Variants in DLG1 observed in about 807,000 individuals in gnomAD.
The protein encoded by DLG1 is disks large homolog 1.
Under a neutral mutation model 123.4 loss-of-function variants are expected in DLG1, and 42 were observed. That is an observed-to-expected ratio of 0.34 (90% CI 0.27 to 0.44). The LOEUF (loss-of-function observed/expected upper bound fraction) is 0.44, where lower values mean the gene tolerates loss of function less well. Ranked by LOEUF, DLG1 falls within the 20% of genes least tolerant of loss-of-function variation. The probability of loss-of-function intolerance (pLI) is 1.00; values close to 1 mark genes in which losing one functional copy is unlikely to be tolerated. For synonymous variants in DLG1, 317 were observed against 356.2 expected (o/e 0.89, Z 1.24); for missense variants, 942 against 1,082.6 (o/e 0.87, Z 1.82).
At chr3:197,170,373 T>C (rs6807229) in intron 5 of DLG1, among the ~76,000 whole-genome samples, 111,196 of 151,396 alleles carry the variant, frequency 0.73, 40,911 homozygotes, top group East Asian at 0.81. Context: ...TACACTCTCA[T>C]CAACAGTGTA....
rs1177815359 is a variant in DLG1, at chr3:197,298,610, G to A, written c.-106C>T. On this transcript the variant is annotated 5_prime_UTR_variant, in exon 1 of 25. Coordinates refer to ENST00000667157, the MANE Select transcript of DLG1 (RefSeq NM_001366207.1). ...AGAGACAGCGCCTGGCGACCCCGGGGGTAGATCCCCACCGGGGAAAAGCCG... is the reference window on the plus strand; with the variant it reads ...AGAGACAGCGCCTGGCGACCCCGGGAGTAGATCCCCACCGGGGAAAAGCCG... 5 of 398,384 alleles carry A rather than the reference G, an allele frequency of 1.3e-5. No individual in the cohort carries two copies. Among genetic ancestry groups the A allele is most frequent in the East Asian group, 3.6e-5 (1 of 28,064 alleles). The allele number at this position is 398,384 out of a possible 1,614,324, so 24.7% of individuals were successfully genotyped here.
At position 197,059,963 on chromosome 3, in the gene DLG1, G is replaced by C. The variant is rs776695727; in HGVS notation, c.2409C>G (p.Ala803=). ...GCTGTGCAATCTGTAATCTCTTTATGGCATTTCCAGACACATCAAGGATAC... is the reference window on the plus strand; with the variant it reads ...GCTGTGCAATCTGTAATCTCTTTATCGCATTTCCAGACACATCAAGGATAC... ...KHCILDVSGN[A]IKRLQIAQLY... is the part of the protein sequence containing the mutation. Residue 803 remains alanine (A), a synonymous_variant, in exon 23 of 25, where the codon GCC becomes GCG. Coordinates refer to ENST00000667157, the MANE Select transcript of DLG1 (RefSeq NM_001366207.1). The C allele has an allele frequency of 1.1e-5, 17 of 1,613,522 alleles. No homozygotes were observed. The highest frequency in any genetic ancestry group is 2.5e-6 in the Non-Finnish European group (3 of 1,179,850).
At chr3:197,061,604 T>C (rs1393736749) in intron 22 of DLG1, among the ~76,000 whole-genome samples, 1 of 152,124 alleles carries the variant, frequency 6.6e-6, no homozygotes, top group Non-Finnish European at 1.5e-5. Context: ...TTGTCTTTCT[T>C]GATGTTTTTG....
At chr3:197,287,802 A>G (rs781271925) in intron 3 of DLG1, among the ~76,000 whole-genome samples, 55 of 152,242 alleles carry the variant, frequency 3.6e-4, no homozygotes, top group Non-Finnish European at 7.3e-4. Flanking sequence ...TAAAAGATGG[A>G]TAACACTCTG....
chr3:197,124,831 G>C (rs761349341), intron 11 of DLG1, among the ~76,000 whole-genome samples: 1 of 152,046 alleles, frequency 6.6e-6, no homozygotes, highest in Non-Finnish European at 1.5e-5. Context: ...GTGTTAGAGA[G>C]GTATCTTAAG....
At chr3:197,297,480 C>G (rs1354770783) in intron 1 of DLG1, 4 of 1,320,282 alleles carry the variant, frequency 3.0e-6, no homozygotes, top group Non-Finnish European at 3.9e-6. Context: ...CGAAAGCGTC[C>G]CCTCCCCAAA....
At chr3:197,063,191 TAA>T (rs34170630) in intron 22 of DLG1, among the ~76,000 whole-genome samples, 1 of 144,496 alleles carries the variant, frequency 6.9e-6, no homozygotes. Flanking sequence ...ACTTAAAGTA[TAA>T]AAAAAAAAAA....
intron 18 of DLG1, chr3:197,070,659 C>T (rs1258194441): frequency 6.7e-6 from 1 of 148,764 alleles, no homozygotes; most frequent in Non-Finnish European, 1.5e-5. Context: ...CCTCTGCCTC[C>T]TAGGTTTAAG....
chr3:197,230,056 AAG>A (rs1742093470), intron 4 of DLG1, among the ~76,000 whole-genome samples: 1 of 152,216 alleles, frequency 6.6e-6, no homozygotes, highest in Non-Finnish European at 1.5e-5. Flanking sequence ...GTCAAGTCCA[AAG>A]TCCTTACTAT....
In DLG1 at chr3:197,176,024, A is replaced by G. The variant is rs375053322; in HGVS notation, c.483+18401T>C. Reference sequence around the variant, plus strand: ...CTGTGAAACTTCTTTTTGCCTATCTATCCTTGACAGAAACGCCATCTAAAC... The same window carrying G: ...CTGTGAAACTTCTTTTTGCCTATCTGTCCTTGACAGAAACGCCATCTAAAC... On this transcript the variant is annotated intron_variant, in intron 5 of 24. Transcript: ENST00000667157. Among the ~76,000 whole-genome samples, 20 of 152,216 alleles carry G rather than the reference A, an allele frequency of 1.3e-4. No individual in the cohort carries two copies. The East Asian group carries it at 2.3e-3, about 18-fold the overall frequency.
rs574781242 is a variant in DLG1 at position 197,066,767 on chromosome 3, G to T, written c.2048-13C>A. 1 of 1,569,572 alleles carries T rather than the reference G, an allele frequency of 6.4e-7. No homozygotes were observed. Among genetic ancestry groups the T allele is most frequent in the East Asian group, 2.3e-5 (1 of 44,242 alleles). ...TCTTCTTGACCACCTATTAGAAAGT[G>T]AAGGCACAGATGAAAAATGTGTAAA... is the stretch of plus-strand genomic sequence containing the variant. On this transcript the variant is annotated splice_polypyrimidine_tract_variant and intron_variant, in intron 19 of 24. Transcript: ENST00000667157.
At chr3:197,240,714 C>CAAAAG (rs1021448905) in intron 4 of DLG1, among the ~76,000 whole-genome samples, 2 of 151,140 alleles carry the variant, frequency 1.3e-5, no homozygotes, top group Non-Finnish European at 3.0e-5. Flanking sequence ...GTCATAACAC[C>CAAAAG]AAAAGAAAAG....
intron 4 of DLG1, among the ~76,000 whole-genome samples, chr3:197,257,621 G>A (rs996060714): frequency 2.3e-4 from 35 of 152,140 alleles, no homozygotes; most frequent in African/African-American, 8.0e-4. Flanking sequence ...TCTCCAGCTT[G>A]CCTTAATGAA....
At chr3:197,087,844 A>T (rs899974938) in intron 15 of DLG1, among the ~76,000 whole-genome samples, 2 of 152,200 alleles carry the variant, frequency 1.3e-5, no homozygotes, top group Non-Finnish European at 2.9e-5. Flanking sequence ...CACTGTATGT[A>T]GCACTTAGAC....
chr3:197,060,294 C>T (rs1348341636), intron 22 of DLG1, among the ~76,000 whole-genome samples: 4 of 152,160 alleles, frequency 2.6e-5, no homozygotes, highest in East Asian at 1.9e-4. Context: ...GCTCCCCCGC[C>T]GTTCCCTTTT....
chr3:197,260,777 A>AAAAAAAAAAACAAAAAAAC, intron 4 of DLG1, among the ~76,000 whole-genome samples: 1 of 150,476 alleles, frequency 6.6e-6, no homozygotes, highest in Non-Finnish European at 1.5e-5. Context: ...AAAAAAAAAA[A>AAAAAAAAAAACAAAAAAAC]AAAAAAATCA....
At chr3:197,078,298 T>TA (rs1560507264) in intron 17 of DLG1, among the ~76,000 whole-genome samples, 1 of 150,228 alleles carries the variant, frequency 6.7e-6, no homozygotes, top group East Asian at 2.0e-4. Context: ...ACCTGGGTGA[T>TA]AGAGTGAGAC....
chr3:197,050,887 T>C (rs1262093657), intron 24 of DLG1, among the ~76,000 whole-genome samples: 1 of 152,254 alleles, frequency 6.6e-6, no homozygotes, highest in Non-Finnish European at 1.5e-5. Context: ...AATCACATTA[T>C]ATGCCTTGAA....
At chr3:197,183,677 C>G in intron 5 of DLG1, 2 of 1,550,564 alleles carry the variant, frequency 1.3e-6, no homozygotes, top group South Asian at 2.4e-5. Flanking sequence ...GCTCAGCTTG[C>G]AGTTCATCTG....
Sources: gnomAD v4.1 joint callset for allele counts (sites outside exome capture counted in the v4.1 genomes callset) on GRCh38, gnomAD v4.1.1 for gene constraint, MANE v1.5 for transcripts, NCBI Gene and HGNC (gene_info 2026-07-23, HGNC 2026-07-21) for gene names.